RORA: variants seen among roughly 807,000 people sequenced by gnomAD.
RORA encodes nuclear receptor ROR-alpha.
RORA carries 7 observed loss-of-function variants against 69.5 expected under a neutral mutation model. The observed-to-expected ratio is 0.10, with a 90% CI of 0.06 to 0.19. The LOEUF is 0.19. Ranked by LOEUF, RORA falls within the 10% of genes least tolerant of loss-of-function variation. RORA has a pLI of 1.00. For missense variants in RORA, 457 were observed against 663.0 expected (o/e 0.69, Z 3.41); for synonymous variants, 261 against 240.8 (o/e 1.08, Z -0.78).
intron 4 of RORA, among the ~76,000 whole-genome samples, chr15:60,514,020 A>C (rs1000631182): frequency 6.6e-6 from 1 of 152,250 alleles, no homozygotes; most frequent in African/African-American, 2.4e-5. Flanking sequence ...GAAGATCTTG[A>C]AATGTTTTGT....
chr15:60,685,550 G>A (rs189175917), intron 1 of RORA, among the ~76,000 whole-genome samples: 2 of 152,294 alleles, frequency 1.3e-5, no homozygotes, highest in Admixed American at 1.3e-4. Flanking sequence ...TGCACGAGGC[G>A]GATCCGGAAC....
At chr15:60,834,913 T>G (rs1451558707) in intron 1 of RORA, among the ~76,000 whole-genome samples, 1 of 151,118 alleles carries the variant, frequency 6.6e-6, no homozygotes, top group African/African-American at 2.4e-5. Flanking sequence ...TTTTTTTCCC[T>G]CCAAAAAAAA....
intron 1 of RORA, among the ~76,000 whole-genome samples, chr15:60,862,432 G>T (rs1456977186): frequency 6.6e-6 from 1 of 152,312 alleles, no homozygotes; most frequent in East Asian, 1.9e-4. Context: ...AAAGAGGGAG[G>T]CTAGCATCCT....
chr15:60,927,824 G>A (rs1386105333), intron 1 of RORA, among the ~76,000 whole-genome samples: 1 of 152,134 alleles, frequency 6.6e-6, no homozygotes, highest in East Asian at 1.9e-4. Context: ...AATCCCTGCA[G>A]AATGCAAGCG....
intron 1 of RORA, among the ~76,000 whole-genome samples, chr15:60,974,139 G>A (rs1388996173): frequency 6.6e-6 from 1 of 152,182 alleles, no homozygotes; most frequent in Non-Finnish European, 1.5e-5. Context: ...GAGGAGGGAT[G>A]CCCCTGCCCC....
At chr15:60,967,010 A>G (rs1019182385) in intron 1 of RORA, among the ~76,000 whole-genome samples, 1 of 152,206 alleles carries the variant, frequency 6.6e-6, no homozygotes, top group Admixed American at 6.5e-5. Context: ...ACCCTAAAGC[A>G]GTGCATTACC....
Position 60,561,280 on chromosome 15 carries a change from A to G in RORA, c.197-29429T>C, listed in dbSNP as rs376421779. ...GTATTTTTAGTAGAGACGGGGTTTC[A>G]CCGTGTTAGCCAGGATGGTCTCGAT... On this transcript the variant is annotated intron_variant, in intron 2 of 10. Coordinates refer to ENST00000335670, the MANE Select transcript of RORA (RefSeq NM_134261.3). 4.6e-3 allele frequency among the ~76,000 whole-genome samples: 703 copies of G among 151,484 alleles called. 8 individuals are homozygous for G. Among genetic ancestry groups the G allele is most frequent in the African/African-American group, 0.016 (676 of 41,250 alleles).
chr15:60,720,769 C>T (rs1256768911), intron 1 of RORA, among the ~76,000 whole-genome samples: 1 of 152,164 alleles, frequency 6.6e-6, no homozygotes. Context: ...TTTAAAACAA[C>T]ACTCTCTATT....
chr15:60,670,037 T>C (rs1383243126), intron 2 of RORA, among the ~76,000 whole-genome samples: 1 of 152,152 alleles, frequency 6.6e-6, no homozygotes, highest in Non-Finnish European at 1.5e-5. Context: ...TGAACTGCAG[T>C]CTACTTTCCA....
intron 3 of RORA, among the ~76,000 whole-genome samples, chr15:60,524,934 A>T (rs921895351): frequency 6.6e-6 from 1 of 152,184 alleles, no homozygotes; most frequent in Non-Finnish European, 1.5e-5. Context: ...GTCACAGAGC[A>T]GGTAAGGGGA....
chr15:61,141,342 G>T (rs1448060080), intron 1 of RORA, among the ~76,000 whole-genome samples: 1 of 152,128 alleles, frequency 6.6e-6, no homozygotes, highest in African/African-American at 2.4e-5. Context: ...AGAACAATTT[G>T]TGACTGGAAT....
At chr15:60,580,249 T>C (rs1177307347) in intron 2 of RORA, among the ~76,000 whole-genome samples, 1 of 152,188 alleles carries the variant, frequency 6.6e-6, no homozygotes, top group African/African-American at 2.4e-5. Context: ...AATTAAGAGC[T>C]GGTTTAACAG....
intron 2 of RORA, among the ~76,000 whole-genome samples, chr15:60,611,594 G>C (rs1346856047): frequency 5.5e-5 from 1 of 18,100 alleles, no homozygotes; most frequent in Non-Finnish European, 1.2e-4. Flanking sequence ...AAAAAAGGTG[G>C]AGTCTTCTTT....
chr15:60,967,623 G>C (rs1893592356), intron 1 of RORA, among the ~76,000 whole-genome samples: 1 of 152,160 alleles, frequency 6.6e-6, no homozygotes, highest in Non-Finnish European at 1.5e-5. Context: ...AACAGACTTT[G>C]GCATTTGAGC....
chr15:60,964,802 T>C (rs1893506348), intron 1 of RORA, among the ~76,000 whole-genome samples: 1 of 152,106 alleles, frequency 6.6e-6, no homozygotes, highest in Non-Finnish European at 1.5e-5. Flanking sequence ...CAGTTGCTGA[T>C]GTGGGAGGAA....
intron 1 of RORA, among the ~76,000 whole-genome samples, chr15:60,815,722 C>A (rs899734038): frequency 6.6e-6 from 1 of 151,750 alleles, no homozygotes; most frequent in Middle Eastern, 3.4e-3. Flanking sequence ...GTCAACACCC[C>A]CCGAGGTGTG....
rs76853459 is a variant in RORA, at chr15:61,090,615, G to T, written c.166+138438C>A. ...CCAAAGGTTATGTAATTTTTGTTGA[G>T]GCAGAACAGGTCTTAAATCTCTAGC... On this transcript the variant is annotated intron_variant, in intron 1 of 10. Transcript: ENST00000335670. Among the ~76,000 whole-genome samples, 1,058 of 152,318 alleles carry T rather than the reference G, an allele frequency of 6.9e-3. 35 individuals carry two copies. In the East Asian group the frequency reaches 0.1, roughly 15 times the overall value.
intron 2 of RORA, among the ~76,000 whole-genome samples, chr15:60,670,179 C>T (rs1418767061): frequency 6.6e-6 from 1 of 150,388 alleles, no homozygotes; most frequent in Admixed American, 6.7e-5. Flanking sequence ...GAATCCAAAC[C>T]TTAATCTAGT....
At chr15:60,864,943 G>C (rs1304067995) in intron 1 of RORA, among the ~76,000 whole-genome samples, 2 of 152,334 alleles carry the variant, frequency 1.3e-5, no homozygotes, top group African/African-American at 4.8e-5. Context: ...GTATTGTGGA[G>C]ACTTTGTTTT....
Sources: gnomAD v4.1 joint callset for allele counts (sites outside exome capture counted in the v4.1 genomes callset) on GRCh38, gnomAD v4.1.1 for gene constraint, MANE v1.5 for transcripts, NCBI Gene and HGNC (gene_info 2026-07-23, HGNC 2026-07-21) for gene names.